MAJIN: variants seen among roughly 807,000 people sequenced by gnomAD.
MAJIN encodes the protein membrane-anchored junction protein.
A neutral mutation model predicts 30.2 loss-of-function variants in MAJIN; 27 were observed. The ratio of observed to expected loss-of-function variants is 0.89; its 90% CI spans 0.66 to 1.23. The LOEUF is 1.23. Ranked by LOEUF, MAJIN falls within the 50% of genes most tolerant of loss-of-function variation. The probability of loss-of-function intolerance (pLI) is 0.00; values close to 1 mark genes in which losing one functional copy is unlikely to be tolerated. For missense variants in MAJIN, 253 were observed against 260.3 expected (o/e 0.97, Z 0.19); for synonymous variants, 78 against 91.6 (o/e 0.85, Z 0.85).
At chr11:64,966,791 G>A (rs1441286460) in intron 1 of MAJIN, among the ~76,000 whole-genome samples, 1 of 151,802 alleles carries the variant, frequency 6.6e-6, no homozygotes, top group African/African-American at 2.4e-5. Flanking sequence ...AAAACTAGCT[G>A]GGCATGGTGG....
chr11:64,957,595 G>A (rs2136786184), intron 3 of MAJIN, among the ~76,000 whole-genome samples: 1 of 151,778 alleles, frequency 6.6e-6, no homozygotes, highest in East Asian at 1.9e-4. Flanking sequence ...GTAGAGACAG[G>A]GTTTCACCAT....
chr11:64,966,265 T>C (rs990982894), intron 1 of MAJIN, among the ~76,000 whole-genome samples: 3 of 151,318 alleles, frequency 2.0e-5, no homozygotes, highest in Non-Finnish European at 4.4e-5. Context: ...CCAGGCACAG[T>C]GGCTCACCCC....
chr11:64,945,151 A>C (rs1465869330), intron 8 of MAJIN, among the ~76,000 whole-genome samples: 2 of 152,032 alleles, frequency 1.3e-5, no homozygotes, highest in Non-Finnish European at 2.9e-5. Flanking sequence ...AGGTCAGGAG[A>C]TCGAGACCAT....
At chr11:64,968,514 G>A (rs1169032743) in intron 1 of MAJIN, among the ~76,000 whole-genome samples, 2 of 151,558 alleles carry the variant, frequency 1.3e-5, no homozygotes, top group African/African-American at 4.8e-5. Flanking sequence ...TGCCCACCTC[G>A]GCTTCCCTAA....
chr11:64,968,843 A>C (rs1319829987), intron 1 of MAJIN, among the ~76,000 whole-genome samples: 3 of 151,784 alleles, frequency 2.0e-5, no homozygotes, highest in Non-Finnish European at 4.4e-5. Flanking sequence ...AAAAAAAAAA[A>C]AACAAGAATG....
intron 6 of MAJIN, among the ~76,000 whole-genome samples, chr11:64,948,325 A>T (rs973502424): frequency 6.6e-6 from 1 of 151,968 alleles, no homozygotes; most frequent in African/African-American, 2.4e-5. Context: ...AAAGGGTTTG[A>T]AAAGGGAGGG....
At chr11:64,958,598 G>GAAAA (rs202169389) in intron 3 of MAJIN, among the ~76,000 whole-genome samples, 5 of 102,502 alleles carry the variant, frequency 4.9e-5, no homozygotes, top group Non-Finnish European at 5.5e-5. Context: ...TGTCTTGGGA[G>GAAAA]AAAAAAAAAA....
At chr11:64,967,698 T>C (rs979452966) in intron 1 of MAJIN, among the ~76,000 whole-genome samples, 1 of 152,104 alleles carries the variant, frequency 6.6e-6, no homozygotes, top group African/African-American at 2.4e-5. Flanking sequence ...AAGGTGAGAC[T>C]ATACAGATAA....
chr11:64,952,829 T>C (rs1945574718), intron 4 of MAJIN, among the ~76,000 whole-genome samples: 2 of 152,084 alleles, frequency 1.3e-5, no homozygotes, highest in Non-Finnish European at 2.9e-5. Context: ...CTCAGCCTCC[T>C]GAGTAGCTTG....
chr11:64,950,244 C>T (rs1945529110), intron 5 of MAJIN, 111 bp downstream of exon 5: 8 of 901,626 alleles, frequency 8.9e-6, no homozygotes, highest in Non-Finnish European at 1.3e-5. Flanking sequence ...GCAAGAGAAT[C>T]GCTTGAACCT....
intron 3 of MAJIN, among the ~76,000 whole-genome samples, chr11:64,957,526 C>T (rs1945654889): frequency 6.6e-6 from 1 of 152,192 alleles, no homozygotes; most frequent in Admixed American, 6.5e-5. Context: ...GTCTCAGCCT[C>T]CCGAGTAGCT....
chr11:64,965,563 C>T (rs1035908354), intron 1 of MAJIN, among the ~76,000 whole-genome samples: 2 of 152,136 alleles, frequency 1.3e-5, no homozygotes, highest in Non-Finnish European at 2.9e-5. Flanking sequence ...CCAAAAGGTC[C>T]AGGATGTGCT....
At chr11:64,938,864 T>C (rs985394540) in intron 10 of MAJIN, among the ~76,000 whole-genome samples, 1 of 152,148 alleles carries the variant, frequency 6.6e-6, no homozygotes, top group Non-Finnish European at 1.5e-5. Context: ...ATGGAAATGT[T>C]TGGTAACCAA....
At position 64,954,822 on chromosome 11, in the gene MAJIN, G is replaced by C. The variant is rs1227176688; in HGVS notation, c.102-20C>G. 2 of 1,596,548 alleles carry C rather than the reference G, an allele frequency of 1.3e-6. No individual in the cohort carries two copies. Among genetic ancestry groups the C allele is most frequent in the Non-Finnish European group, 8.5e-7 (1 of 1,172,248 alleles). ...TCTCCTCTAGAAGGTAAACAGACAA[G>C]AGACAAGTAAGACATGAAGGAAAGC... On this transcript the variant is annotated intron_variant, in intron 3 of 10. Coordinates refer to ENST00000301896, the MANE Select transcript of MAJIN (RefSeq NM_001037225.3).
rs559440557 is a variant in MAJIN, at chr11:64,958,319, T to A, written c.101+986A>T. On this transcript the variant is annotated intron_variant, in intron 3 of 10. Coordinates refer to ENST00000301896, the MANE Select transcript of MAJIN (RefSeq NM_001037225.3). The stretch of plus-strand genomic sequence containing the variant: ...AAAAGCTCTTTAGGGTCCTTAATAA[T>A]TTTAAAGAGTGCAAGGTGGGTGCTG... 2.6e-4 allele frequency among the ~76,000 whole-genome samples: 40 copies of A among 152,090 alleles called. No individual in the cohort carries two copies. The East Asian group carries it at 7.5e-3, about 29-fold the overall frequency.
intron 4 of MAJIN, among the ~76,000 whole-genome samples, chr11:64,951,212 A>G (rs1233500747): frequency 2.0e-5 from 3 of 152,204 alleles, no homozygotes; most frequent in African/African-American, 7.2e-5. Context: ...AGTCCTCACT[A>G]AATGTACATT....
chr11:64,954,413 T>C, intron 4 of MAJIN: 2 of 416,028 alleles, frequency 4.8e-6, no homozygotes, highest in South Asian at 4.3e-5. Context: ...CAGGCAGTGG[T>C]TGGGATGGTG....
intron 10 of MAJIN, 66 bp downstream of exon 10, chr11:64,939,596 C>G: frequency 7.2e-7 from 1 of 1,396,396 alleles, no homozygotes; most frequent in Non-Finnish European, 1.0e-6. Context: ...TCTAATTTCC[C>G]TGAAAGACTC....
chr11:64,968,129 A>T (rs1317237184), intron 1 of MAJIN, among the ~76,000 whole-genome samples: 2 of 152,120 alleles, frequency 1.3e-5, no homozygotes, highest in African/African-American at 4.8e-5. Context: ...GAGAGAGAGG[A>T]GGGAGATGAA....
Sources: allele counts gnomAD v4.1 joint callset (sites outside exome capture counted in the v4.1 genomes callset), GRCh38; gene constraint gnomAD v4.1.1; transcripts MANE v1.5; gene names NCBI Gene and HGNC (gene_info 2026-07-23, HGNC 2026-07-21).